FAT3: variants seen among roughly 807,000 people sequenced by gnomAD.
FAT3 encodes the protein FAT atypical cadherin 3, also known as protocadherin Fat 3.
In FAT3, 95 loss-of-function variants were observed where a neutral mutation model predicts 310.2. That is an observed-to-expected ratio of 0.31 (90% CI 0.26 to 0.36). The LOEUF (loss-of-function observed/expected upper bound fraction) is 0.36, where lower values mean the gene tolerates loss of function less well. FAT3 is among the 10% of genes least tolerant of loss of function. FAT3 has a pLI of 1.00. For missense variants in FAT3, 5,408 were observed against 5,715.6 expected, an observed-to-expected ratio of 0.95 and a Z score of 1.74; for synonymous variants, 2,314 against 2,192.9, an observed-to-expected ratio of 1.06 and a Z score of -1.54.
intron 2 of FAT3, among the ~76,000 whole-genome samples, chr11:92,415,007 CAAA>C (rs59309979): frequency 1.3e-4 from 19 of 144,994 alleles, no homozygotes; most frequent in Admixed American, 1.4e-4. Flanking sequence ...AAGATTTCGT[CAAA>C]AAAAAAAAAA....
intron 3 of FAT3, among the ~76,000 whole-genome samples, chr11:92,554,461 C>CAAAA (rs56918849): frequency 3.6e-5 from 2 of 55,026 alleles, no homozygotes; most frequent in African/African-American, 1.7e-4. Flanking sequence ...GACTCCATCT[C>CAAAA]AAAAAAAAAA....
At chr11:92,362,013 C>T (rs1215668944) in intron 2 of FAT3, among the ~76,000 whole-genome samples, 1 of 152,206 alleles carries the variant, frequency 6.6e-6, no homozygotes, top group Non-Finnish European at 1.5e-5. Flanking sequence ...AACAGATGGT[C>T]TCATTCAGTC....
intron 3 of FAT3, among the ~76,000 whole-genome samples, chr11:92,544,591 C>G (rs547405534): frequency 1.3e-5 from 2 of 152,280 alleles, no homozygotes; most frequent in South Asian, 4.1e-4. Flanking sequence ...TGTCTGCCAT[C>G]ACCTGCCACC....
intron 8 of FAT3, among the ~76,000 whole-genome samples, chr11:92,791,879 TG>T (rs143714192): frequency 0.01 from 1,529 of 152,344 alleles, 33 homozygotes; most frequent in African/African-American, 0.035. Context: ...CAAGGTTTTT[TG>T]GTGAAATCAG....
chr11:92,815,397 C>A (rs538352968), intron 13 of FAT3, among the ~76,000 whole-genome samples: 39 of 152,070 alleles, frequency 2.6e-4, no homozygotes, highest in African/African-American at 8.7e-4. Flanking sequence ...CACAGTGAAA[C>A]CCTGTCTCTA....
chr11:92,796,792 TTG>T (rs1201978737), intron 9 of FAT3, among the ~76,000 whole-genome samples: 1 of 152,228 alleles, frequency 6.6e-6, no homozygotes, highest in Admixed American at 6.5e-5. Flanking sequence ...ATACTCCACA[TTG>T]TGTCTTCCCC....
intron 3 of FAT3, among the ~76,000 whole-genome samples, chr11:92,687,650 G>T (rs1174090448): frequency 6.6e-6 from 1 of 152,048 alleles, no homozygotes; most frequent in Non-Finnish European, 1.5e-5. Flanking sequence ...ACTTATTGTT[G>T]TATCTTTTTA....
intron 4 of FAT3, among the ~76,000 whole-genome samples, chr11:92,706,568 C>G (rs1420582107): frequency 6.6e-6 from 1 of 152,138 alleles, no homozygotes; most frequent in Non-Finnish European, 1.5e-5. Context: ...CCACATCTCT[C>G]TATATTACAT....
intron 2 of FAT3, among the ~76,000 whole-genome samples, chr11:92,421,323 T>C (rs10830913): frequency 0.078 from 11,809 of 152,286 alleles, 649 homozygotes; most frequent in African/African-American, 0.15. Flanking sequence ...TAAGAAAATA[T>C]TCAGTTTCCA....
At chr11:92,476,963 A>C (rs1277847725) in intron 2 of FAT3, among the ~76,000 whole-genome samples, 1 of 152,208 alleles carries the variant, frequency 6.6e-6, no homozygotes, top group East Asian at 1.9e-4. Context: ...ACAGTTGTTT[A>C]ATTCCGTCCA....
intron 2 of FAT3, among the ~76,000 whole-genome samples, chr11:92,447,650 A>G (rs1951252578): frequency 6.6e-6 from 1 of 151,916 alleles, no homozygotes. Flanking sequence ...CTTACTTAGA[A>G]GCGCTTTTCT....
At position 92,416,789 on chromosome 11, in the gene FAT3, A is replaced by T. The variant is rs190933671; in HGVS notation, c.3292+61385A>T. ...AGGTTCCAGTTAAGAGGGTGAACGCAGACAGAAATTGGTGGGACTCTTTGG... is the reference window on the plus strand; with the variant it reads ...AGGTTCCAGTTAAGAGGGTGAACGCTGACAGAAATTGGTGGGACTCTTTGG... On this transcript the variant is annotated intron_variant, in intron 2 of 27. Coordinates refer to ENST00000525166, the MANE Select transcript of FAT3 (RefSeq NM_001367949.2). 4.9e-4 allele frequency among the ~76,000 whole-genome samples: 75 copies of T among 152,328 alleles called. No individual in the cohort carries two copies. In the East Asian group the frequency reaches 0.014, roughly 27 times the overall value.
chr11:92,300,822 AT>A (rs1354679734), intron 1 of FAT3, among the ~76,000 whole-genome samples: 1 of 152,148 alleles, frequency 6.6e-6, no homozygotes, highest in Non-Finnish European at 1.5e-5. Flanking sequence ...CATGCATGAC[AT>A]TTAGTTTCTG....
At chr11:92,552,580 G>A (rs117935469) in intron 3 of FAT3, among the ~76,000 whole-genome samples, 87 of 152,164 alleles carry the variant, frequency 5.7e-4, no homozygotes, top group Non-Finnish European at 8.1e-4. Flanking sequence ...GAGTTCATAT[G>A]GTAAAATGAG....
At chr11:92,783,164 C>T (rs1042980906) in intron 7 of FAT3, among the ~76,000 whole-genome samples, 1 of 151,328 alleles carries the variant, frequency 6.6e-6, no homozygotes, top group Non-Finnish European at 1.5e-5. Context: ...TCGAGACCAG[C>T]CTGGCCAACA....
At chr11:92,312,479 A>T (rs2134460007) in intron 1 of FAT3, among the ~76,000 whole-genome samples, 1 of 152,298 alleles carries the variant, frequency 6.6e-6, no homozygotes, top group East Asian at 1.9e-4. Flanking sequence ...ATCACCCTTA[A>T]AAGGCTAATA....
At chr11:92,376,409 C>T (rs983150398) in intron 2 of FAT3, among the ~76,000 whole-genome samples, 2 of 152,176 alleles carry the variant, frequency 1.3e-5, no homozygotes, top group Non-Finnish European at 2.9e-5. Flanking sequence ...GGGAAAGCAG[C>T]CTGTGTGGGG....
chr11:92,833,567 C>T (rs532663259), intron 14 of FAT3, among the ~76,000 whole-genome samples: 1 of 152,176 alleles, frequency 6.6e-6, no homozygotes, highest in East Asian at 1.9e-4. Flanking sequence ...AATGCGTATT[C>T]TAATATAATA....
chr11:92,342,242 C>T (rs913519993), intron 1 of FAT3, among the ~76,000 whole-genome samples: 2 of 152,096 alleles, frequency 1.3e-5, no homozygotes, highest in Admixed American at 6.6e-5. Flanking sequence ...AAAATGGTCA[C>T]GTGATGCCCC....
Sources: gnomAD v4.1 joint callset for allele counts (sites outside exome capture counted in the v4.1 genomes callset) on GRCh38, gnomAD v4.1.1 for gene constraint, MANE v1.5 for transcripts, NCBI Gene and HGNC (gene_info 2026-07-23, HGNC 2026-07-21) for gene names.